LSAMP: variants seen among roughly 807,000 people sequenced by gnomAD.
The protein encoded by LSAMP is limbic system-associated membrane protein.
In LSAMP, 7 loss-of-function variants were observed where a neutral mutation model predicts 38.6. The observed-to-expected ratio is 0.18, with a 90% CI of 0.10 to 0.34. LSAMP has a LOEUF of 0.34. Ranked by LOEUF, LSAMP falls within the 10% of genes least tolerant of loss-of-function variation. LSAMP has a pLI of 1.00. For missense variants in LSAMP, 313 were observed against 420.0 expected (o/e 0.75, Z 2.23); for synonymous variants, 154 against 166.8 (o/e 0.92, Z 0.59).
chr3:116,209,874 C>T (rs978144219), intron 1 of LSAMP, among the ~76,000 whole-genome samples: 2 of 152,148 alleles, frequency 1.3e-5, no homozygotes, highest in Non-Finnish European at 2.9e-5. Context: ...GCCTTAGCCT[C>T]CGAGTAGCTG....
chr3:116,189,751 C>A (rs1258568817), intron 1 of LSAMP, among the ~76,000 whole-genome samples: 1 of 152,112 alleles, frequency 6.6e-6, no homozygotes, highest in Non-Finnish European at 1.5e-5. Context: ...TCCTTTTGTA[C>A]TTTTTGTCAT....
chr3:115,905,029 G>A lies in LSAMP; in HGVS notation c.515-52412C>T, dbSNP rs187357019. 1.9e-3 allele frequency among the ~76,000 whole-genome samples: 293 copies of A among 151,976 alleles called. No homozygotes were observed. In the Middle Eastern group the frequency reaches 0.034, roughly 18 times the overall value. On this transcript the variant is annotated intron_variant, in intron 3 of 6. Coordinates refer to ENST00000490035, the MANE Select transcript of LSAMP (RefSeq NM_002338.5). ...CCTTGAAGAATTTGTGAGTCTTTAG[G>A]GTCCAGCACATGGCTGGCACATGGT...
chr3:115,871,776 T>C (rs1157255983), intron 3 of LSAMP, among the ~76,000 whole-genome samples: 2 of 152,080 alleles, frequency 1.3e-5, no homozygotes, highest in African/African-American at 4.8e-5. Context: ...GAACTAAACC[T>C]CCATGCAAAT....
chr3:115,854,741 CTAAG>C (rs1452206896), intron 3 of LSAMP, among the ~76,000 whole-genome samples: 1 of 152,136 alleles, frequency 6.6e-6, no homozygotes, highest in African/African-American at 2.4e-5. Context: ...TTTCTATGCA[CTAAG>C]TGTCATGCCA....
At chr3:115,940,005 G>A (rs1937856454) in intron 3 of LSAMP, among the ~76,000 whole-genome samples, 2 of 151,966 alleles carry the variant, frequency 1.3e-5, no homozygotes, top group African/African-American at 2.4e-5. Context: ...TGGTGGGTTC[G>A]TGGTCTCACA....
At chr3:115,908,539 T>C (rs1358414341) in intron 3 of LSAMP, among the ~76,000 whole-genome samples, 1 of 152,158 alleles carries the variant, frequency 6.6e-6, no homozygotes, top group Admixed American at 6.6e-5. Context: ...TCCAAAAGCC[T>C]GATTCTGAAG....
At chr3:116,230,534 C>T (rs1007638776) in intron 1 of LSAMP, among the ~76,000 whole-genome samples, 4 of 152,128 alleles carry the variant, frequency 2.6e-5, no homozygotes, top group East Asian at 1.9e-4. Context: ...CTGTGAATAA[C>T]CTTTTTCCTG....
At chr3:115,927,262 TAA>T (rs960273623) in intron 3 of LSAMP, among the ~76,000 whole-genome samples, 11 of 152,130 alleles carry the variant, frequency 7.2e-5, no homozygotes, top group Non-Finnish European at 1.6e-4. Flanking sequence ...AGACTTGGCA[TAA>T]AAGACAGCAG....
chr3:115,852,665 C>G (rs1208153266), intron 3 of LSAMP, 48 bp from the exon 4 acceptor site: 3 of 1,528,518 alleles, frequency 2.0e-6, no homozygotes, highest in South Asian at 2.5e-5. Context: ...CTGAAATAGG[C>G]AGTAGATCCT....
intron 1 of LSAMP, among the ~76,000 whole-genome samples, chr3:116,345,013 T>C (rs1488473298): frequency 6.6e-6 from 1 of 152,206 alleles, no homozygotes; most frequent in African/African-American, 2.4e-5. Flanking sequence ...GTGTACCTGT[T>C]ACATATTTGA....
intron 6 of LSAMP, among the ~76,000 whole-genome samples, chr3:115,815,037 G>T (rs187605401): frequency 1.3e-5 from 2 of 152,246 alleles, no homozygotes; most frequent in African/African-American, 2.4e-5. Flanking sequence ...AGCTCAGGCT[G>T]GAGCAAATTA....
intron 1 of LSAMP, among the ~76,000 whole-genome samples, chr3:116,158,455 T>G (rs547463107): frequency 1.8e-4 from 28 of 152,296 alleles, no homozygotes; most frequent in Admixed American, 1.5e-3. Flanking sequence ...CACCATAGTA[T>G]CTGCCCAAAG....
intron 1 of LSAMP, among the ~76,000 whole-genome samples, chr3:116,283,006 C>T (rs1320020834): frequency 2.0e-5 from 3 of 152,058 alleles, no homozygotes; most frequent in Non-Finnish European, 4.4e-5. Context: ...ACAAGTTGCC[C>T]TTCCTTGGCA....
intron 3 of LSAMP, among the ~76,000 whole-genome samples, chr3:115,911,350 G>GT (rs1042054652): frequency 5.3e-5 from 8 of 152,156 alleles, no homozygotes; most frequent in African/African-American, 1.9e-4. Context: ...ATACACTTGT[G>GT]TATGGGTTTT....
intron 1 of LSAMP, among the ~76,000 whole-genome samples, chr3:116,380,309 T>G (rs901698698): frequency 1.3e-5 from 2 of 152,100 alleles, no homozygotes; most frequent in African/African-American, 4.8e-5. Flanking sequence ...ATTATAGAAA[T>G]CTACTTTTAA....
intron 2 of LSAMP, among the ~76,000 whole-genome samples, chr3:116,056,131 T>C (rs540662560): frequency 2.0e-5 from 3 of 152,188 alleles, no homozygotes; most frequent in African/African-American, 7.2e-5. Context: ...TATTCATGTA[T>C]TATTTATTTA....
intron 1 of LSAMP, among the ~76,000 whole-genome samples, chr3:116,264,828 A>G (rs1356721174): frequency 6.6e-6 from 1 of 152,182 alleles, no homozygotes; most frequent in Admixed American, 6.5e-5. Context: ...GCTGGTCTCA[A>G]AAAACTGAGT....
intron 1 of LSAMP, among the ~76,000 whole-genome samples, chr3:116,087,011 T>C (rs1215991341): frequency 6.6e-6 from 1 of 152,226 alleles, no homozygotes; most frequent in Non-Finnish European, 1.5e-5. Context: ...TCCACCATTA[T>C]AGGAATTAGA....
At chr3:115,946,503 A>G (rs1258153459) in intron 3 of LSAMP, among the ~76,000 whole-genome samples, 1 of 152,224 alleles carries the variant, frequency 6.6e-6, no homozygotes, top group Non-Finnish European at 1.5e-5. Context: ...GAAAATATAA[A>G]CAGAGATTTT....
Sources: gnomAD v4.1 joint callset for allele counts (sites outside exome capture counted in the v4.1 genomes callset) on GRCh38, gnomAD v4.1.1 for gene constraint, MANE v1.5 for transcripts, NCBI Gene and HGNC (gene_info 2026-07-23, HGNC 2026-07-21) for gene names.